GLRA2: variants seen among roughly 807,000 people sequenced by gnomAD.
The protein encoded by GLRA2 is glycine receptor subunit alpha-2.
GLRA2 carries 11 observed loss-of-function variants against 31.6 expected under a neutral mutation model. The ratio of observed to expected loss-of-function variants is 0.35; its 90% CI spans 0.22 to 0.58. The LOEUF (loss-of-function observed/expected upper bound fraction) is 0.58, where lower values mean the gene tolerates loss of function less well. GLRA2 is among the 20% of genes least tolerant of loss of function. GLRA2 has a pLI of 0.84. For synonymous variants in GLRA2, 132 were observed against 134.0 expected (o/e 0.99, Z 0.10); for missense variants, 212 against 351.8 (o/e 0.60, Z 3.18).
In GLRA2 at chrX:14,654,848, G is replaced by A; in HGVS notation, c.931-35862G>A. 2.7e-5 allele frequency among the ~76,000 whole-genome samples: 3 copies of A among 111,708 alleles called. 1 individual carries two copies. In the Admixed American group the frequency reaches 2.8e-4, roughly 11 times the overall value. On this transcript the variant is annotated intron_variant, in intron 7 of 8. Coordinates refer to ENST00000218075, the MANE Select transcript of GLRA2 (RefSeq NM_002063.4). ...GGGAGGCCTCACAATCATGGTAGTA[G>A]GTGAAAGGCACATCTCACATGGCAG...
intron 8 of GLRA2, among the ~76,000 whole-genome samples, chrX:14,699,853 T>C (rs2091513684): frequency 8.9e-6 from 1 of 111,757 alleles, no homozygotes; most frequent in South Asian, 3.8e-4. Context: ...CTGCAGGGCA[T>C]TATCCTCAGC....
In GLRA2 at chrX:14,642,273, C is replaced by A. The variant is rs1007189190; in HGVS notation, c.930+33068C>A. ...CCATCTGCCTGGGCTGGGTGCCTGGCAGTTCTTCTGCTAATGAGAATCTGC... is the reference window on the plus strand; with the variant it reads ...CCATCTGCCTGGGCTGGGTGCCTGGAAGTTCTTCTGCTAATGAGAATCTGC... On this transcript the variant is annotated intron_variant, in intron 7 of 8. Coordinates refer to ENST00000218075, the MANE Select transcript of GLRA2 (RefSeq NM_002063.4). 2.7e-5 allele frequency among the ~76,000 whole-genome samples: 3 copies of A among 111,925 alleles called. No homozygotes were observed. The Admixed American group carries it at 2.8e-4, about 11-fold the overall frequency.
intron 4 of GLRA2, among the ~76,000 whole-genome samples, chrX:14,586,778 G>A (rs764552619): frequency 2.1e-4 from 24 of 112,068 alleles, no homozygotes; most frequent in Admixed American, 3.8e-4. Context: ...AAAGGAGAAG[G>A]TGAGCATTTT....
intron 8 of GLRA2, among the ~76,000 whole-genome samples, chrX:14,708,219 G>A (rs908066385): frequency 9.0e-6 from 1 of 111,352 alleles, no homozygotes; most frequent in Non-Finnish European, 1.9e-5. Flanking sequence ...CTCTGCTTCT[G>A]TGAGTTTGAT....
chrX:14,660,296 C>A (rs1452354909), intron 7 of GLRA2, among the ~76,000 whole-genome samples: 1 of 111,523 alleles, frequency 9.0e-6, no homozygotes, highest in Non-Finnish European at 1.9e-5. Flanking sequence ...TGGGAAAGAA[C>A]ATTCCAGGCA....
the GLRA2 span, among the ~76,000 whole-genome samples, chrX:14,513,169 C>T: frequency 5.4e-5 from 6 of 111,355 alleles, no homozygotes; most frequent in East Asian, 5.7e-4. Flanking sequence ...GGGGAAAGAA[C>T]GCCTGCCCTA....
chrX:14,686,198 C>T (rs1385234540), intron 7 of GLRA2, among the ~76,000 whole-genome samples: 1 of 111,657 alleles, frequency 9.0e-6, no homozygotes, highest in African/African-American at 3.3e-5. Flanking sequence ...GATTTCTGTT[C>T]TTTTACATTT....
intron 4 of GLRA2, among the ~76,000 whole-genome samples, chrX:14,586,942 A>G (rs997891029): frequency 2.7e-5 from 3 of 111,857 alleles, no homozygotes; most frequent in Non-Finnish European, 5.6e-5. Context: ...ATCTAATCCA[A>G]CACCCTTGTT....
intron 1 of GLRA2, among the ~76,000 whole-genome samples, chrX:14,530,735 G>A (rs758147573): frequency 9.0e-6 from 1 of 111,527 alleles, no homozygotes; most frequent in Non-Finnish European, 1.9e-5. Context: ...ATGAGAAGTG[G>A]AGCATGCATA....
chrX:14,535,703 C>A (rs1269705360), intron 2 of GLRA2, among the ~76,000 whole-genome samples: 1 of 112,321 alleles, frequency 8.9e-6, no homozygotes, highest in Non-Finnish European at 1.9e-5. Context: ...AATGTTGATT[C>A]TATATCAAGA....
At chrX:14,498,452 C>A in the GLRA2 span, among the ~76,000 whole-genome samples, 156 of 110,487 alleles carry the variant, frequency 1.4e-3, 1 homozygote, top group Non-Finnish European at 1.7e-3. Flanking sequence ...AAAGTATTTT[C>A]CCCCCTAGGT....
At chrX:14,720,523 A>G (rs2091851542) in intron 8 of GLRA2, among the ~76,000 whole-genome samples, 1 of 111,337 alleles carries the variant, frequency 9.0e-6, no homozygotes, top group Non-Finnish European at 1.9e-5. Flanking sequence ...CTTCCATTCA[A>G]AAATAGGGGG....
chrX:14,511,319 CA>C, the GLRA2 span, among the ~76,000 whole-genome samples: 1 of 111,939 alleles, frequency 8.9e-6, no homozygotes, highest in African/African-American at 3.2e-5. Context: ...GAAGCAAACA[CA>C]ATTCAATATT....
intron 3 of GLRA2, among the ~76,000 whole-genome samples, chrX:14,578,822 T>C (rs764205774): frequency 1.8e-5 from 2 of 111,227 alleles, no homozygotes; most frequent in Non-Finnish European, 3.8e-5. Context: ...CATCAGAAAA[T>C]AGAGAAAAGA....
rs1287055404 is a variant in GLRA2, at chrX:14,691,316, TGTGTGTGTGC to T, written c.1080+459_1080+468del. On this transcript the variant is annotated intron_variant, in intron 8 of 8. Transcript: ENST00000218075. ...GTGTGTGTGTGTGTGTGTGTGTGTG[TGTGTGTGTGC>T]GCGCGTGCGTGCGTGTACATCACTG... 2.8e-3 allele frequency among the ~76,000 whole-genome samples: 204 copies of T among 72,097 alleles called. 2 individuals are homozygous for T. The highest frequency in any genetic ancestry group is 0.015 in the Middle Eastern group (2 of 131). 62.6% of individuals were successfully genotyped at this position (72,097 alleles called of 115,157 possible).
chrX:14,730,704 CATA>C lies in GLRA2; in HGVS notation c.*225_*227del, dbSNP rs1456946124. ...TTAAGGGGTTGCAGAATCACGGGAG[CATA>C]ATAATTCCCTTCCATAATCTTTAGC... is the stretch of plus-strand genomic sequence containing the variant. On this transcript the variant is annotated 3_prime_UTR_variant, in exon 9 of 9. Transcript: ENST00000218075. 2.6e-6 allele frequency: 1 copy of C among 391,787 alleles called. No homozygotes were observed. The highest frequency in any genetic ancestry group is 2.5e-5 in the African/African-American group (1 of 39,279). 32.3% of individuals were successfully genotyped at this position (391,787 alleles called of 1,213,427 possible).
At chrX:14,549,188 CAGAT>C (rs1019260961) in intron 2 of GLRA2, among the ~76,000 whole-genome samples, 3 of 111,683 alleles carry the variant, frequency 2.7e-5, no homozygotes. Context: ...AGGGGAATTT[CAGAT>C]AGAGAACTGT....
intron 4 of GLRA2, among the ~76,000 whole-genome samples, chrX:14,594,254 T>C (rs761973962): frequency 9.0e-6 from 1 of 111,161 alleles, no homozygotes; most frequent in East Asian, 2.8e-4. Flanking sequence ...CGTGTTCTCT[T>C]CCCCCTTTTT....
chrX:14,658,799 G>T (rs2090964631), intron 7 of GLRA2, among the ~76,000 whole-genome samples: 1 of 111,671 alleles, frequency 9.0e-6, no homozygotes, highest in African/African-American at 3.3e-5. Flanking sequence ...AAAAGGCAAT[G>T]GCCATTCATA....
Sources: gnomAD v4.1 joint callset for allele counts (sites outside exome capture counted in the v4.1 genomes callset) on GRCh38, gnomAD v4.1.1 for gene constraint, MANE v1.5 for transcripts, NCBI Gene and HGNC (gene_info 2026-07-23, HGNC 2026-07-21) for gene names.